The following ABLIM3 variants were observed in gnomAD, a reference collection of about 807,000 sequenced individuals.
ABLIM3 encodes the protein actin-binding LIM protein 3.
In ABLIM3, 61 loss-of-function variants were observed where a neutral mutation model predicts 109.5. The ratio of observed to expected loss-of-function variants is 0.56; its 90% CI spans 0.45 to 0.69. The LOEUF (loss-of-function observed/expected upper bound fraction) is 0.69, where lower values mean the gene tolerates loss of function less well. ABLIM3 is among the 30% of genes least tolerant of loss of function. The pLI is 0.00. For synonymous variants in ABLIM3, 300 were observed against 324.8 expected, an observed-to-expected ratio of 0.92 and a Z score of 0.82; for missense variants, 796 against 889.5, an observed-to-expected ratio of 0.89 and a Z score of 1.34.
At chr5:149,150,193 G>T (rs1561531868) in intron 2 of ABLIM3, among the ~76,000 whole-genome samples, 2 of 152,172 alleles carry the variant, frequency 1.3e-5, no homozygotes, top group Non-Finnish European at 2.9e-5. Flanking sequence ...AGGTGAGGGA[G>T]TTCAGAATAG....
intron 2 of ABLIM3, chr5:149,174,519 C>T (rs1240130739): frequency 6.6e-6 from 1 of 152,208 alleles, no homozygotes; most frequent in Non-Finnish European, 1.5e-5. Context: ...TGCTGGCTTT[C>T]TAAAGTTCCT....
Position 149,251,428 on chromosome 5 carries a change from A to G in ABLIM3, c.1849+9A>G. ...CAACTGGGGCATGCGAGGTGAGTGCAGGCCTGCAGGGGGTCTGCAGGGAGA... is the reference window on the plus strand; with the variant it reads ...CAACTGGGGCATGCGAGGTGAGTGCGGGCCTGCAGGGGGTCTGCAGGGAGA... On this transcript the variant is annotated intron_variant, in intron 21 of 23. Transcript: ENST00000309868. 6.2e-7 allele frequency: 1 copy of G among 1,613,844 alleles called. No individual in the cohort carries two copies. The highest frequency in any genetic ancestry group is 8.5e-7 in the Non-Finnish European group (1 of 1,179,920).
chr5:149,150,308 G>A (rs1007040350), intron 2 of ABLIM3, among the ~76,000 whole-genome samples: 5 of 152,112 alleles, frequency 3.3e-5, no homozygotes, highest in South Asian at 2.1e-4. Flanking sequence ...ACACAAGAAC[G>A]CAGTAGGATG....
chr5:149,227,662 T>A (rs1761449266), intron 8 of ABLIM3, among the ~76,000 whole-genome samples: 2 of 152,136 alleles, frequency 1.3e-5, no homozygotes, highest in African/African-American at 4.8e-5. Context: ...GAATCTGAAT[T>A]TTACCAGACT....
intron 5 of ABLIM3, among the ~76,000 whole-genome samples, chr5:149,205,606 G>A (rs1039415229): frequency 1.6e-4 from 24 of 152,154 alleles, no homozygotes; most frequent in African/African-American, 5.6e-4. Flanking sequence ...GCATTCTGGA[G>A]TCTAATTATT....
At chr5:149,220,075 A>G (rs1760489081) in intron 8 of ABLIM3, 1 of 152,202 alleles carries the variant, frequency 6.6e-6, no homozygotes, top group Admixed American at 6.5e-5. Context: ...GCTATAAGAT[A>G]TAGGTGTAGT....
At chr5:149,185,325 C>T (rs984498360) in intron 3 of ABLIM3, among the ~76,000 whole-genome samples, 8 of 152,122 alleles carry the variant, frequency 5.3e-5, no homozygotes, top group Non-Finnish European at 1.0e-4. Flanking sequence ...TTTTCATCCT[C>T]CAATGGGCTG....
intron 3 of ABLIM3, among the ~76,000 whole-genome samples, chr5:149,191,962 A>G (rs1757520012): frequency 6.6e-6 from 1 of 152,188 alleles, no homozygotes; most frequent in South Asian, 2.1e-4. Flanking sequence ...GGTTCATGAC[A>G]TTCTCCTGCC....
intron 7 of ABLIM3, among the ~76,000 whole-genome samples, chr5:149,211,840 AGAAT>A (rs1303072107): frequency 1.3e-5 from 2 of 152,128 alleles, no homozygotes; most frequent in African/African-American, 4.8e-5. Context: ...AGATAGAGGA[AGAAT>A]GAGCTTGACC....
At chr5:149,153,403 C>G (rs2127436462) in intron 2 of ABLIM3, among the ~76,000 whole-genome samples, 1 of 152,318 alleles carries the variant, frequency 6.6e-6, no homozygotes. Flanking sequence ...ATGACCATCA[C>G]TCCCTAATGT....
intron 23 of ABLIM3, among the ~76,000 whole-genome samples, chr5:149,256,526 AC>A (rs1380211282): frequency 6.6e-6 from 1 of 152,204 alleles, no homozygotes; most frequent in Non-Finnish European, 1.5e-5. Flanking sequence ...AGATAAACCA[AC>A]TGTGAAAAGA....
intron 9 of ABLIM3, among the ~76,000 whole-genome samples, chr5:149,231,850 C>A (rs544674283): frequency 6.6e-6 from 1 of 152,216 alleles, no homozygotes; most frequent in East Asian, 1.9e-4. Context: ...TATTAACTAA[C>A]CTTATTTTAA....
At chr5:149,157,654 G>A (rs1753971811) in intron 2 of ABLIM3, among the ~76,000 whole-genome samples, 1 of 151,840 alleles carries the variant, frequency 6.6e-6, no homozygotes, top group African/African-American at 2.4e-5. Context: ...GAATTGGATA[G>A]GGAGATATTC....
intron 2 of ABLIM3, among the ~76,000 whole-genome samples, chr5:149,172,878 T>C (rs1387537033): frequency 6.6e-6 from 1 of 152,214 alleles, no homozygotes; most frequent in Admixed American, 6.5e-5. Flanking sequence ...AGAATGCAAC[T>C]CTTGTACTTT....
chr5:149,257,173 G>A (rs1561644930), intron 23 of ABLIM3, among the ~76,000 whole-genome samples: 1 of 152,140 alleles, frequency 6.6e-6, no homozygotes, highest in Non-Finnish European at 1.5e-5. Context: ...CAACGTGATT[G>A]TGTGCACCTG....
At chr5:149,251,538 C>G in intron 21 of ABLIM3, 119 bp downstream of exon 21, 1 of 1,182,654 alleles carries the variant, frequency 8.5e-7, no homozygotes, top group Non-Finnish European at 1.2e-6. Context: ...TGGGCTGTGT[C>G]CAACCCTGAG....
chr5:149,174,446 G>A (rs1311373441), intron 2 of ABLIM3: 1 of 152,178 alleles, frequency 6.6e-6, no homozygotes, highest in Non-Finnish European at 1.5e-5. Flanking sequence ...CAAATGTTGT[G>A]TACATATTAA....
At position 149,237,616 on chromosome 5, in the gene ABLIM3, G is replaced by T; in HGVS notation, c.1044+13G>T. On this transcript the variant is annotated intron_variant, in intron 11 of 23. Coordinates refer to ENST00000309868, the MANE Select transcript of ABLIM3 (RefSeq NM_014945.5). ...TGGCTATGGAGAGGTATCGCATCTTGCCCTTCTCTCTGGGGCTATTGTAGG... is the reference window on the plus strand; with the variant it reads ...TGGCTATGGAGAGGTATCGCATCTTTCCCTTCTCTCTGGGGCTATTGTAGG... 1 of 1,613,798 alleles carries T rather than the reference G, an allele frequency of 6.2e-7. No homozygotes were observed. Among genetic ancestry groups the T allele is most frequent in the Non-Finnish European group, 8.5e-7 (1 of 1,179,964 alleles).
chr5:149,229,001 C>A (rs1761579894), intron 8 of ABLIM3, among the ~76,000 whole-genome samples: 1 of 152,188 alleles, frequency 6.6e-6, no homozygotes, highest in African/African-American at 2.4e-5. Context: ...AAGTTCATGA[C>A]CTCCTCAGAC....
Sources: gnomAD v4.1 joint callset for allele counts (sites outside exome capture counted in the v4.1 genomes callset) on GRCh38, gnomAD v4.1.1 for gene constraint, MANE v1.5 for transcripts, NCBI Gene and HGNC (gene_info 2026-07-23, HGNC 2026-07-21) for gene names.